Variants in NAB1 observed in about 807,000 individuals in gnomAD.
NAB1 encodes NGFI-A binding protein 1.
NAB1 carries 25 observed loss-of-function variants against 49.9 expected under a neutral mutation model. The observed-to-expected ratio is 0.50, with a 90% CI of 0.37 to 0.70. The LOEUF (loss-of-function observed/expected upper bound fraction) is 0.70. Ranked by LOEUF, NAB1 falls within the 30% of genes least tolerant of loss-of-function variation. The pLI, the probability that NAB1 is intolerant of heterozygous loss-of-function variation, is 0.00. For missense variants in NAB1, 489 were observed against 575.9 expected, an observed-to-expected ratio of 0.85 and a Z score of 1.54; for synonymous variants, 198 against 215.6, an observed-to-expected ratio of 0.92 and a Z score of 0.71.
chr2:190,673,017 G>A, intron 5 of NAB1, 84 bp from the exon 6 acceptor site: 1 of 1,247,588 alleles, frequency 8.0e-7, no homozygotes, highest in Non-Finnish European at 1.1e-6. Context: ...TGTTTTGGTG[G>A]AAGGTTATAG....
chr2:190,660,675 G>A (rs1694176617), intron 4 of NAB1, among the ~76,000 whole-genome samples: 1 of 152,086 alleles, frequency 6.6e-6, no homozygotes, highest in Non-Finnish European at 1.5e-5. Context: ...ACTCAGCCAA[G>A]AATAAGCTTG....
rs34446204 is a variant in NAB1 at position 190,674,394 on chromosome 2, C to T, written c.1005+1242C>T. 0.23 allele frequency among the ~76,000 whole-genome samples: 34,466 copies of T among 152,132 alleles called. 5,100 individuals carry two copies. The highest frequency in any genetic ancestry group is 0.34 in the South Asian group (1,654 of 4,824). ...TCTTTAGATGGCTTCAAGTCACAGC[C>T]GAGTTTCCCCTGACTTCCCTGCCTC... On this transcript the variant is annotated intron_variant, in intron 6 of 9. Coordinates refer to ENST00000337386, the MANE Select transcript of NAB1 (RefSeq NM_005966.4). The surrounding 1 kb of genome is among the most constrained non-coding windows in gnomAD (Gnocchi z 5.7).
chr2:190,689,776 A>C lies in NAB1; in HGVS notation c.1376-469A>C, dbSNP rs1487068391. Among the ~76,000 whole-genome samples the C allele has an allele frequency of 2.6e-5, 4 of 152,062 alleles. No homozygotes were observed. The South Asian group carries it at 8.3e-4, about 31-fold the overall frequency. Reference sequence around the variant, plus strand: ...AGATATTTTTCAGTCTGATTCCTTCATTGATGGTAAATATTTTAACCAGTA... The same window carrying C: ...AGATATTTTTCAGTCTGATTCCTTCCTTGATGGTAAATATTTTAACCAGTA... On this transcript the variant is annotated intron_variant, in intron 9 of 9. Transcript: ENST00000337386. This position sits in a 1 kb window ranked among gnomAD's most constrained non-coding sequence, Gnocchi z 4.3.
intron 6 of NAB1, among the ~76,000 whole-genome samples, chr2:190,673,984 CTAT>C (rs1029106710): frequency 2.0e-5 from 3 of 152,148 alleles, no homozygotes; most frequent in Non-Finnish European, 4.4e-5. Context: ...CTTAGCCATC[CTAT>C]TATTTAATTT....
chr2:190,685,680 G>A lies in NAB1; in HGVS notation c.1258+42G>A. On this transcript the variant is annotated intron_variant, in intron 8 of 9. Coordinates refer to ENST00000337386, the MANE Select transcript of NAB1 (RefSeq NM_005966.4). This position sits in a 1 kb window ranked among gnomAD's most constrained non-coding sequence, Gnocchi z 4.5. ...TCCTATGCCTTTAGGGCCACTATGT[G>A]CACTTCAAAGAGAAACAGAAGACAG... 1 of 1,406,168 alleles carries A rather than the reference G, an allele frequency of 7.1e-7. No homozygotes were observed. The highest frequency in any genetic ancestry group is 9.4e-7 in the Non-Finnish European group (1 of 1,064,772). 87.1% of individuals were successfully genotyped at this position (1,406,168 alleles called of 1,614,324 possible).
chr2:190,671,216 G>T (rs1418072280), intron 5 of NAB1, among the ~76,000 whole-genome samples: 1 of 152,030 alleles, frequency 6.6e-6, no homozygotes. Flanking sequence ...CACATTCTGA[G>T]CACCCTTTCC....
chr2:190,665,493 G>C (rs970651320), intron 4 of NAB1, among the ~76,000 whole-genome samples: 3 of 152,082 alleles, frequency 2.0e-5, no homozygotes, highest in African/African-American at 7.2e-5. Flanking sequence ...GTCTTTGAGG[G>C]TCTGATTTTG....
intron 6 of NAB1, among the ~76,000 whole-genome samples, chr2:190,681,283 T>C (rs921772899): frequency 6.6e-6 from 1 of 152,212 alleles, no homozygotes; most frequent in African/African-American, 2.4e-5. Flanking sequence ...GACTGGTATA[T>C]TGTAGACCCC....
chr2:190,681,360 G>C (rs1185952116), intron 6 of NAB1, among the ~76,000 whole-genome samples: 1 of 152,160 alleles, frequency 6.6e-6, no homozygotes, highest in African/African-American at 2.4e-5. Context: ...CACTGAACTT[G>C]AGAACTTAAG....
Position 190,674,935 on chromosome 2 carries a change from G to A in NAB1, c.1005+1783G>A, listed in dbSNP as rs1290764790. Among the ~76,000 whole-genome samples, 1 of 152,164 alleles carries A rather than the reference G, an allele frequency of 6.6e-6. No individual in the cohort carries two copies. The highest frequency in any genetic ancestry group is 1.5e-5 in the Non-Finnish European group (1 of 68,038). ...GTAACCTACCTCACTGTTAGCTCTG[G>A]AATAATGTTTAAGATGGTTAACTCA... On this transcript the variant is annotated intron_variant, in intron 6 of 9. Coordinates refer to ENST00000337386, the MANE Select transcript of NAB1 (RefSeq NM_005966.4). The surrounding 1 kb of genome is among the most constrained non-coding windows in gnomAD (Gnocchi z 5.7).
At chr2:190,658,927 CT>C in intron 3 of NAB1, 1 of 382,562 alleles carries the variant, frequency 2.6e-6, no homozygotes, top group Non-Finnish European at 4.7e-6. Flanking sequence ...CTCCAGATTC[CT>C]GCTTACCATT....
At position 190,686,839 on chromosome 2, in the gene NAB1, AG is replaced by A. The variant is rs571114411; in HGVS notation, c.1259-361del. 1.3e-3 allele frequency among the ~76,000 whole-genome samples: 191 copies of A among 149,598 alleles called. No homozygotes were observed. The highest frequency in any genetic ancestry group is 4.4e-3 in the African/African-American group (180 of 40,552). On this transcript the variant is annotated intron_variant, in intron 8 of 9. Coordinates refer to ENST00000337386, the MANE Select transcript of NAB1 (RefSeq NM_005966.4). The surrounding 1 kb of genome is among the most constrained non-coding windows in gnomAD (Gnocchi z 5.5). ...GGCTTGAAGCCTTCTGTGTCTTTCT[AG>A]TACTTGTTATTATATGATTAATGAC...
rs1336428664 is a variant in NAB1, at chr2:190,669,848, T to C, written c.820-478T>C. On this transcript the variant is annotated intron_variant, in intron 4 of 9. Transcript: ENST00000337386. This position sits in a 1 kb window ranked among gnomAD's most constrained non-coding sequence, Gnocchi z 4.3. ...CCTAGTATATGATAACTCTGTTTTTTACTAAGTGATTTGATAAATGTTTAA... is the reference window on the plus strand; with the variant it reads ...CCTAGTATATGATAACTCTGTTTTTCACTAAGTGATTTGATAAATGTTTAA... Among the ~76,000 whole-genome samples, 2 of 152,238 alleles carry C rather than the reference T, an allele frequency of 1.3e-5. No homozygotes were observed. The highest frequency in any genetic ancestry group is 4.8e-5 in the African/African-American group (2 of 41,468).
chr2:190,662,788 A>G (rs972560349), intron 4 of NAB1, among the ~76,000 whole-genome samples: 1 of 152,240 alleles, frequency 6.6e-6, no homozygotes, highest in African/African-American at 2.4e-5. Flanking sequence ...AGCAGCTTCC[A>G]GTCAAAGAGC....
In NAB1 at chr2:190,666,278, C is replaced by T. The variant is rs913286349; in HGVS notation, c.820-4048C>T. Among the ~76,000 whole-genome samples, 2 of 152,144 alleles carry T rather than the reference C, an allele frequency of 1.3e-5. No homozygotes were observed. The highest frequency in any genetic ancestry group is 2.4e-5 in the African/African-American group (1 of 41,418). On this transcript the variant is annotated intron_variant, in intron 4 of 9. Coordinates refer to ENST00000337386, the MANE Select transcript of NAB1 (RefSeq NM_005966.4). The surrounding 1 kb of genome is among the most constrained non-coding windows in gnomAD (Gnocchi z 5.6). ...TTTGTGCCAACAGTACTTAAAGTCA[C>T]AATCATTTAATTGTTGGAGATTATA...
At position 190,680,207 on chromosome 2, in the gene NAB1, G is replaced by A. The variant is rs1009185968; in HGVS notation, c.1006-3531G>A. ...GCTTTCTGAAATGCAAATCCGATCA[G>A]TCTCTTCCCTGAGACTTTCAATGGC... is the stretch of plus-strand genomic sequence containing the variant. On this transcript the variant is annotated intron_variant, in intron 6 of 9. Transcript: ENST00000337386. This position sits in a 1 kb window ranked among gnomAD's most constrained non-coding sequence, Gnocchi z 5.2. Among the ~76,000 whole-genome samples the A allele has an allele frequency of 1.3e-5, 2 of 152,164 alleles. No individual in the cohort carries two copies. Among genetic ancestry groups the A allele is most frequent in the Non-Finnish European group, 2.9e-5 (2 of 68,036 alleles).
chr2:190,683,930 T>G (rs1243926449), intron 7 of NAB1, 103 bp downstream of exon 7: 2 of 858,522 alleles, frequency 2.3e-6, no homozygotes, highest in Non-Finnish European at 3.6e-6. Flanking sequence ...GGCCTGACTT[T>G]TTATTTCCGT....
chr2:190,670,512 T>C lies in NAB1; in HGVS notation c.953+53T>C. ...TTTGCATTGCTTGAGAGAAGTAGAG[T>C]TCGAAACATCATCTATTGATAGAAT... is the stretch of plus-strand genomic sequence containing the variant. On this transcript the variant is annotated intron_variant, in intron 5 of 9. Transcript: ENST00000337386. The surrounding 1 kb of genome is among the most constrained non-coding windows in gnomAD (Gnocchi z 5.3). The C allele has an allele frequency of 6.4e-7, 1 of 1,561,840 alleles. No homozygotes were observed. Among genetic ancestry groups the C allele is most frequent in the South Asian group, 1.1e-5 (1 of 87,962 alleles).
chr2:190,659,481 G>T lies in NAB1; in HGVS notation c.305G>T (p.Gly102Val). 6.2e-7 allele frequency: 1 copy of T among 1,614,178 alleles called. No individual in the cohort carries two copies. The highest frequency in any genetic ancestry group is 8.5e-7 in the Non-Finnish European group (1 of 1,180,022). ...ATACCCATCTATAAATTACCAGAGGGATCACCAACATGGCTGGGAATATCC... is the reference window on the plus strand; with the variant it reads ...ATACCCATCTATAAATTACCAGAGGTATCACCAACATGGCTGGGAATATCC... The part of the protein sequence containing the change: ...SSIPIYKLPE[G>V]SPTWLGISCS... Residue 102 changes from glycine to valine, a missense_variant, in exon 4 of 10, where the codon GGA becomes GTA. Gly to Val is a moderately radical substitution (Grantham distance 109, BLOSUM62 -3). Transcript: ENST00000337386. This position sits in a 1 kb window ranked among gnomAD's most constrained non-coding sequence, Gnocchi z 6.2.
Sources: allele counts gnomAD v4.1 joint callset (sites outside exome capture counted in the v4.1 genomes callset), GRCh38; gene constraint gnomAD v4.1.1; non-coding constraint Gnocchi (gnomAD v3.1); transcripts MANE v1.5; gene names NCBI Gene and HGNC (gene_info 2026-07-23, HGNC 2026-07-21).